The following RANBP9 variants were observed in gnomAD, a reference collection of about 807,000 sequenced individuals.
The protein encoded by RANBP9 is RAN binding protein 9.
RANBP9 carries 15 observed loss-of-function variants against 84.3 expected under a neutral mutation model. That is an observed-to-expected ratio of 0.18 (90% confidence interval 0.12 to 0.27). The LOEUF is 0.27. RANBP9 is among the 10% of genes least tolerant of loss of function. The pLI is 1.00. For synonymous variants in RANBP9, 392 were observed against 349.6 expected, an observed-to-expected ratio of 1.12 and a Z score of -1.35; for missense variants, 809 against 912.8, an observed-to-expected ratio of 0.89 and a Z score of 1.46.
At chr6:13,702,972 T>C (rs961621748) in intron 1 of RANBP9, among the ~76,000 whole-genome samples, 3 of 152,220 alleles carry the variant, frequency 2.0e-5, no homozygotes, top group South Asian at 2.1e-4. Flanking sequence ...TAAACCTATC[T>C]GTTGCAACAG....
chr6:13,683,827 A>G (rs1269185683), intron 2 of RANBP9, among the ~76,000 whole-genome samples: 1 of 152,146 alleles, frequency 6.6e-6, no homozygotes, highest in African/African-American at 2.4e-5. Flanking sequence ...TGACAGAGTA[A>G]GAGGTAAGGG....
intron 2 of RANBP9, among the ~76,000 whole-genome samples, chr6:13,669,690 G>C (rs1207285472): frequency 1.3e-5 from 2 of 152,128 alleles, no homozygotes; most frequent in Non-Finnish European, 2.9e-5. Context: ...CTCCCGATTA[G>C]GTGATCCTCA....
intron 2 of RANBP9, among the ~76,000 whole-genome samples, chr6:13,675,207 A>G (rs1377645374): frequency 6.6e-6 from 1 of 152,240 alleles, no homozygotes; most frequent in African/African-American, 2.4e-5. Context: ...CAATAACCGC[A>G]TAATACATAT....
chr6:13,701,259 T>C (rs544098735), intron 1 of RANBP9, among the ~76,000 whole-genome samples: 15 of 152,328 alleles, frequency 9.8e-5, no homozygotes, highest in South Asian at 4.1e-4. Flanking sequence ...CACTGGACAG[T>C]TGACTTCCAA....
At chr6:13,702,522 T>C (rs1486343735) in intron 1 of RANBP9, among the ~76,000 whole-genome samples, 1 of 152,246 alleles carries the variant, frequency 6.6e-6, no homozygotes. Flanking sequence ...TTTCATTTAA[T>C]TTATGTCGCT....
intron 3 of RANBP9, among the ~76,000 whole-genome samples, chr6:13,657,821 AC>A (rs1055913847): frequency 2.6e-5 from 4 of 152,184 alleles, no homozygotes; most frequent in African/African-American, 9.6e-5. Context: ...CCTCAATTAA[AC>A]CCTCTTTCAA....
chr6:13,624,162 C>A (rs780034706), intron 13 of RANBP9, among the ~76,000 whole-genome samples: 1 of 152,166 alleles, frequency 6.6e-6, no homozygotes, highest in Non-Finnish European at 1.5e-5. Context: ...TTCCGGAGAA[C>A]TACAACACTG....
intron 10 of RANBP9, among the ~76,000 whole-genome samples, chr6:13,637,350 T>C (rs772467096): frequency 6.7e-6 from 1 of 150,262 alleles, no homozygotes; most frequent in African/African-American, 2.5e-5. Flanking sequence ...AAAGTTAGTT[T>C]TGAACTTGGA....
At chr6:13,710,486 T>C (rs1054570816) in intron 1 of RANBP9, among the ~76,000 whole-genome samples, 1 of 152,088 alleles carries the variant, frequency 6.6e-6, no homozygotes, top group Non-Finnish European at 1.5e-5. Context: ...CTCTCTTAAT[T>C]AGAAATCATA....
intron 2 of RANBP9, among the ~76,000 whole-genome samples, chr6:13,687,220 C>T (rs1317852804): frequency 6.6e-6 from 1 of 152,164 alleles, no homozygotes; most frequent in African/African-American, 2.4e-5. Context: ...AATCTACCTT[C>T]AGCCCTACTC....
intron 5 of RANBP9, among the ~76,000 whole-genome samples, chr6:13,651,576 T>C (rs953558913): frequency 1.3e-5 from 2 of 151,540 alleles, no homozygotes; most frequent in Non-Finnish European, 2.9e-5. Flanking sequence ...TTGTATTTTT[T>C]TTTTTAGTAG....
intron 2 of RANBP9, among the ~76,000 whole-genome samples, chr6:13,670,397 A>T (rs1765747789): frequency 6.6e-6 from 1 of 152,244 alleles, no homozygotes; most frequent in South Asian, 2.1e-4. Context: ...AAGAGCTAAA[A>T]CTATGAAACT....
intron 2 of RANBP9, among the ~76,000 whole-genome samples, chr6:13,688,444 C>T (rs1412717211): frequency 1.3e-5 from 2 of 152,146 alleles, no homozygotes; most frequent in Non-Finnish European, 2.9e-5. Flanking sequence ...CCTCCTCCAA[C>T]ATACTTCTCT....
rs116900030 is a variant in RANBP9, at chr6:13,639,831, T to C, written c.1335-78A>G. On this transcript the variant is annotated intron_variant, in intron 8 of 13. Transcript: ENST00000011619. ...TTTAATAGCAACAGATTTCTAAAAA[T>C]ATTTTTAAAACTTTGATTTATCAGT... 2.3e-4 allele frequency: 289 copies of C among 1,253,882 alleles called. No homozygotes were observed. In the East Asian group the frequency reaches 5.3e-3, roughly 23 times the overall value. 77.7% of individuals were successfully genotyped at this position (1,253,882 alleles called of 1,614,324 possible). A position where few individuals can be genotyped will look rare whatever the true frequency, so the allele number is the denominator to read the frequency against.
At chr6:13,654,555 A>G (rs1765360330) in intron 4 of RANBP9, among the ~76,000 whole-genome samples, 1 of 152,206 alleles carries the variant, frequency 6.6e-6, no homozygotes, top group African/African-American at 2.4e-5. Context: ...TAGTAACTAA[A>G]TATTTAACAG....
chr6:13,697,351 G>A (rs1033725257), intron 1 of RANBP9, among the ~76,000 whole-genome samples: 1 of 152,162 alleles, frequency 6.6e-6, no homozygotes, highest in Non-Finnish European at 1.5e-5. Context: ...ATTTCTAAGT[G>A]AAATCTTACA....
At chr6:13,675,989 ATAAT>A (rs1367291204) in intron 2 of RANBP9, among the ~76,000 whole-genome samples, 2 of 152,096 alleles carry the variant, frequency 1.3e-5, no homozygotes, top group African/African-American at 4.8e-5. Context: ...AATTAAATCA[ATAAT>A]TAATAACCTT....
At chr6:13,674,614 C>A (rs1765848148) in intron 2 of RANBP9, among the ~76,000 whole-genome samples, 1 of 152,154 alleles carries the variant, frequency 6.6e-6, no homozygotes, top group Non-Finnish European at 1.5e-5. Context: ...GCAGCCACCA[C>A]CCAGGCACAA....
rs765861379 is a variant in RANBP9, at chr6:13,711,002, G to A, written c.504C>T (p.Ser168=). The change falls in exon 1 of 14, where the codon TCC becomes TCT. Residue 168 remains serine, a synonymous_variant. Transcript: ENST00000011619. ...VDEQETPLPR[S]WSPKDKFSYI... is the part of the protein sequence containing the mutation. ...AGCTGAACTTGTCCTTCGGGCTCCA[G>A]GACCGAGGCAGCGGCGTCTCTTGTT... 8 of 1,608,660 alleles carry A rather than the reference G, an allele frequency of 5.0e-6. No individual in the cohort carries two copies. The highest frequency in any genetic ancestry group is 6.8e-6 in the Non-Finnish European group (8 of 1,177,918).
Sources: allele counts gnomAD v4.1 joint callset (sites outside exome capture counted in the v4.1 genomes callset), GRCh38; gene constraint gnomAD v4.1.1; transcripts MANE v1.5; gene names NCBI Gene and HGNC (gene_info 2026-07-23, HGNC 2026-07-21).